MCTP1: variants seen among roughly 807,000 people sequenced by gnomAD.
MCTP1 encodes the protein multiple C2 and transmembrane domain containing 1.
In MCTP1, 69 loss-of-function variants were observed where a neutral mutation model predicts 120.6. The ratio of observed to expected loss-of-function variants is 0.57; its 90% CI spans 0.47 to 0.70. MCTP1 has a LOEUF of 0.70. MCTP1 is among the 30% of genes least tolerant of loss of function. MCTP1 has a pLI of 0.00. For missense variants in MCTP1, 1,203 were observed against 1,248.8 expected, an observed-to-expected ratio of 0.96 and a Z score of 0.55; for synonymous variants, 529 against 493.1, an observed-to-expected ratio of 1.07 and a Z score of -0.96.
chr5:94,871,658 T>C (rs578217843), intron 13 of MCTP1, among the ~76,000 whole-genome samples: 8 of 152,116 alleles, frequency 5.3e-5, no homozygotes, highest in Non-Finnish European at 1.0e-4. Context: ...CAAGTTATCA[T>C]TTTTTAATGA....
intron 3 of MCTP1, among the ~76,000 whole-genome samples, chr5:94,952,521 G>A (rs1820882736): frequency 1.3e-5 from 2 of 152,182 alleles, no homozygotes. Context: ...GGTGGGATGT[G>A]TGCTGTTGTG....
At chr5:94,827,632 A>G (rs1355990504) in intron 17 of MCTP1, among the ~76,000 whole-genome samples, 1 of 151,934 alleles carries the variant, frequency 6.6e-6, no homozygotes, top group Non-Finnish European at 1.5e-5. Context: ...CTTTTCACAT[A>G]GTCCCATATT....
intron 1 of MCTP1, among the ~76,000 whole-genome samples, chr5:95,116,766 G>C (rs967849590): frequency 1.3e-5 from 2 of 152,006 alleles, no homozygotes; most frequent in African/African-American, 4.8e-5. Flanking sequence ...CTTGTTAGCT[G>C]TATTCCTAGG....
At chr5:95,115,156 T>C (rs116749893) in intron 1 of MCTP1, among the ~76,000 whole-genome samples, 1 of 151,998 alleles carries the variant, frequency 6.6e-6, no homozygotes, top group African/African-American at 2.4e-5. Flanking sequence ...CCAAGAAGCA[T>C]GAGTATAAAC....
intron 1 of MCTP1, among the ~76,000 whole-genome samples, chr5:95,079,167 GGGGA>G (rs2152307490): frequency 6.6e-6 from 1 of 152,122 alleles, no homozygotes; most frequent in African/African-American, 2.4e-5. Flanking sequence ...TTATCTCAGG[GGGGA>G]TAAGCATTAC....
Position 94,819,448 on chromosome 5 carries a change from T to C in MCTP1, c.2437-20316A>G, listed in dbSNP as rs187332794. On this transcript the variant is annotated intron_variant, in intron 17 of 22. Transcript: ENST00000515393. ...GCCTGGCCTAACTACTTCAAATTTA[T>C]ACTCCTTGTCTCTGATTGGCTTCCC... 2.0e-3 allele frequency among the ~76,000 whole-genome samples: 306 copies of C among 152,220 alleles called. 2 individuals are homozygous for C. The highest frequency in any genetic ancestry group is 6.4e-3 in the African/African-American group (264 of 41,536).
intron 6 of MCTP1, among the ~76,000 whole-genome samples, chr5:94,930,133 T>C (rs1814212842): frequency 6.6e-6 from 1 of 151,850 alleles, no homozygotes; most frequent in African/African-American, 2.4e-5. Context: ...TATAAAACAG[T>C]AGAGGATAGA....
At chr5:95,166,731 C>T (rs1336751377) in intron 1 of MCTP1, among the ~76,000 whole-genome samples, 2 of 151,916 alleles carry the variant, frequency 1.3e-5, no homozygotes, top group Non-Finnish European at 2.9e-5. Context: ...CCACGCCTGG[C>T]TAATTTTTTG....
At chr5:95,034,720 A>C (rs1840934617) in intron 1 of MCTP1, among the ~76,000 whole-genome samples, 1 of 152,064 alleles carries the variant, frequency 6.6e-6, no homozygotes, top group African/African-American at 2.4e-5. Flanking sequence ...AAAAATAGAC[A>C]AATGGGACTT....
intron 1 of MCTP1, among the ~76,000 whole-genome samples, chr5:95,047,299 G>C (rs1744802121): frequency 6.6e-6 from 1 of 152,038 alleles, no homozygotes; most frequent in African/African-American, 2.4e-5. Context: ...CGTCATCCTG[G>C]TTAAGTGGAC....
At chr5:94,992,288 T>TTGAGGATGATGA (rs1831720471) in intron 2 of MCTP1, among the ~76,000 whole-genome samples, 1 of 149,748 alleles carries the variant, frequency 6.7e-6, no homozygotes, top group African/African-American at 2.5e-5. Context: ...TATAATAATG[T>TTGAGGATGATGA]TGAGGATGAT....
At chr5:95,095,838 G>A (rs1756219633) in intron 1 of MCTP1, among the ~76,000 whole-genome samples, 2 of 152,054 alleles carry the variant, frequency 1.3e-5, no homozygotes, top group Admixed American at 6.6e-5. Flanking sequence ...TCAAAGAAAC[G>A]AACTGATACA....
At chr5:95,222,700 G>A (rs1264881040) in intron 1 of MCTP1, among the ~76,000 whole-genome samples, 1 of 152,070 alleles carries the variant, frequency 6.6e-6, no homozygotes, top group Non-Finnish European at 1.5e-5. Context: ...TTCTATGCAG[G>A]CCTTACTTTT....
At chr5:94,932,120 AC>A in intron 5 of MCTP1, 129 bp from the exon 6 acceptor site, 1 of 577,496 alleles carries the variant, frequency 1.7e-6, no homozygotes. Flanking sequence ...ATTATACAAC[AC>A]AAAACTTGTT....
chr5:95,199,028 AATTT>A (rs1343100362), intron 1 of MCTP1, among the ~76,000 whole-genome samples: 1 of 152,200 alleles, frequency 6.6e-6, no homozygotes, highest in Non-Finnish European at 1.5e-5. Flanking sequence ...CCAGGACATT[AATTT>A]GTTAATTTTT....
At chr5:94,943,735 G>C (rs751726744) in intron 3 of MCTP1, among the ~76,000 whole-genome samples, 5 of 151,862 alleles carry the variant, frequency 3.3e-5, no homozygotes, top group Admixed American at 1.3e-4. Context: ...AGAGAACGAA[G>C]AGAAAGTAAG....
At chr5:94,833,309 C>T (rs1243286162) in intron 17 of MCTP1, among the ~76,000 whole-genome samples, 1 of 151,990 alleles carries the variant, frequency 6.6e-6, no homozygotes, top group Non-Finnish European at 1.5e-5. Flanking sequence ...ATGTCAACAC[C>T]TCATCAACTA....
chr5:94,790,594 A>AG (rs1778682551), intron 18 of MCTP1, among the ~76,000 whole-genome samples: 1 of 152,196 alleles, frequency 6.6e-6, no homozygotes, highest in Non-Finnish European at 1.5e-5. Flanking sequence ...GGGTACTGCT[A>AG]GGTTTCAAAT....
chr5:94,733,351 CCA>C (rs2152710047), intron 19 of MCTP1, among the ~76,000 whole-genome samples: 1 of 152,256 alleles, frequency 6.6e-6, no homozygotes, highest in South Asian at 2.1e-4. Context: ...AATAAGTTAT[CCA>C]GTGTCCTCAA....
Sources: gnomAD v4.1 joint callset for allele counts (sites outside exome capture counted in the v4.1 genomes callset) on GRCh38, gnomAD v4.1.1 for gene constraint, MANE v1.5 for transcripts, NCBI Gene and HGNC (gene_info 2026-07-23, HGNC 2026-07-21) for gene names.